Variants in LRMDA observed in about 807,000 individuals in gnomAD.
LRMDA encodes leucine-rich melanocyte differentiation-associated protein.
Under a neutral mutation model 29.8 loss-of-function variants are expected in LRMDA, and 18 were observed. The ratio of observed to expected loss-of-function variants is 0.60; its 90% CI spans 0.42 to 0.90. LRMDA has a LOEUF of 0.90. LRMDA is among the 40% of genes least tolerant of loss of function. LRMDA has a pLI of 0.00. For missense variants in LRMDA, 273 were observed against 273.9 expected, an observed-to-expected ratio of 1.00 and a Z score of 0.02; for synonymous variants, 125 against 109.4, an observed-to-expected ratio of 1.14 and a Z score of -0.89.
chr10:76,057,984 A>T (rs1333432736), intron 4 of LRMDA, among the ~76,000 whole-genome samples: 1 of 152,238 alleles, frequency 6.6e-6, no homozygotes, highest in Non-Finnish European at 1.5e-5. Flanking sequence ...TTATTTCTGG[A>T]GTCCATCTGC....
At chr10:76,433,869 G>A (rs906350769) in intron 6 of LRMDA, 1 of 152,168 alleles carries the variant, frequency 6.6e-6, no homozygotes, top group Admixed American at 6.5e-5. Context: ...TGACTTGGGC[G>A]ACAGCATAGG....
intron 2 of LRMDA, among the ~76,000 whole-genome samples, chr10:75,848,158 G>A (rs1293357519): frequency 1.3e-5 from 2 of 152,168 alleles, no homozygotes; most frequent in Non-Finnish European, 2.9e-5. Context: ...GGTAGAAGCA[G>A]CCCAAATGTC....
intron 5 of LRMDA, among the ~76,000 whole-genome samples, chr10:76,077,839 C>G (rs138715721): frequency 1.8e-3 from 278 of 151,912 alleles, no homozygotes; most frequent in African/African-American, 6.5e-3. Flanking sequence ...TTCAGGCCAT[C>G]TATGAAAATG....
chr10:75,776,180 A>T (rs1023802272), intron 2 of LRMDA, among the ~76,000 whole-genome samples: 3 of 152,228 alleles, frequency 2.0e-5, no homozygotes, highest in Non-Finnish European at 4.4e-5. Flanking sequence ...CTGAACACTG[A>T]GGAAAGCATT....
rs185591467 is a variant in LRMDA at position 76,466,293 on chromosome 10, T to C, written c.602-90916T>C. Reference sequence around the variant, plus strand: ...AGCTGGTACTGGCAAGTATGAGGGGTAGACAAACAGACAGATGCCGGGAGC... The same window carrying C: ...AGCTGGTACTGGCAAGTATGAGGGGCAGACAAACAGACAGATGCCGGGAGC... On this transcript the variant is annotated intron_variant, in intron 6 of 6. Transcript: ENST00000611255. Among the ~76,000 whole-genome samples, 24 of 151,694 alleles carry C rather than the reference T, an allele frequency of 1.6e-4. No homozygotes were observed. The East Asian group carries it at 4.5e-3, about 28-fold the overall frequency.
chr10:75,441,748 T>A (rs1844328958), intron 2 of LRMDA, among the ~76,000 whole-genome samples: 1 of 151,088 alleles, frequency 6.6e-6, no homozygotes, highest in Admixed American at 6.6e-5. Context: ...TTTTAGAATA[T>A]CTCTACAGGC....
chr10:76,083,845 A>AG (rs1849088835), intron 5 of LRMDA, among the ~76,000 whole-genome samples: 1 of 151,832 alleles, frequency 6.6e-6, no homozygotes, highest in African/African-American at 2.4e-5. Context: ...AAAAAAAAAA[A>AG]AAAAAGGGGC....
intron 5 of LRMDA, among the ~76,000 whole-genome samples, chr10:76,200,312 G>A (rs1471274852): frequency 2.0e-5 from 3 of 152,178 alleles, no homozygotes; most frequent in African/African-American, 7.2e-5. Context: ...ATGTATGCAT[G>A]TTTAATGGAG....
intron 5 of LRMDA, among the ~76,000 whole-genome samples, chr10:76,287,224 C>G (rs1840283372): frequency 6.6e-6 from 1 of 152,146 alleles, no homozygotes; most frequent in African/African-American, 2.4e-5. Flanking sequence ...CATCTGCCTG[C>G]CCCACTCTCA....
chr10:76,083,425 C>T (rs772167694), intron 5 of LRMDA, among the ~76,000 whole-genome samples: 2 of 152,208 alleles, frequency 1.3e-5, no homozygotes, highest in African/African-American at 2.4e-5. Flanking sequence ...TGTAACATGG[C>T]ATGCCCCCTC....
chr10:75,737,048 T>TGCAC (rs781083030), intron 2 of LRMDA, among the ~76,000 whole-genome samples: 7 of 151,456 alleles, frequency 4.6e-5, no homozygotes, highest in Admixed American at 2.6e-4. Context: ...TACACACACA[T>TGCAC]GCACGCACGC....
At chr10:75,835,293 T>C (rs1389956573) in intron 2 of LRMDA, among the ~76,000 whole-genome samples, 1 of 152,216 alleles carries the variant, frequency 6.6e-6, no homozygotes, top group Non-Finnish European at 1.5e-5. Flanking sequence ...CCTTCCTCCT[T>C]GTTCAAAGCA....
chr10:76,018,717 G>A (rs563597081), intron 2 of LRMDA, among the ~76,000 whole-genome samples: 5 of 94,270 alleles, frequency 5.3e-5, no homozygotes, highest in East Asian at 2.4e-4. Context: ...ACAGGTGTGC[G>A]CCACCATGTG....
chr10:76,203,044 C>T (rs746965366), intron 5 of LRMDA, among the ~76,000 whole-genome samples: 11 of 152,150 alleles, frequency 7.2e-5, no homozygotes, highest in Non-Finnish European at 7.3e-5. Flanking sequence ...GTTTACTTTT[C>T]TAAAAACTCA....
chr10:76,534,052 G>A (rs1238712772), intron 6 of LRMDA, among the ~76,000 whole-genome samples: 2 of 152,118 alleles, frequency 1.3e-5, no homozygotes, highest in African/African-American at 4.8e-5. Context: ...GATAGATCCT[G>A]TGCTTTGCCC....
intron 2 of LRMDA, among the ~76,000 whole-genome samples, chr10:75,528,494 G>A (rs1264191797): frequency 1.3e-5 from 2 of 152,188 alleles, no homozygotes; most frequent in Admixed American, 6.5e-5. Context: ...TACGACTGTG[G>A]TAGCCAAGCC....
chr10:75,714,249 T>C, intron 2 of LRMDA, among the ~76,000 whole-genome samples: 1 of 152,232 alleles, frequency 6.6e-6, no homozygotes. Context: ...TTTTCAGATA[T>C]GGCATAGATT....
At chr10:75,448,879 C>T (rs1844424509) in intron 2 of LRMDA, among the ~76,000 whole-genome samples, 1 of 152,200 alleles carries the variant, frequency 6.6e-6, no homozygotes, top group Non-Finnish European at 1.5e-5. Context: ...AGGCTGGGTA[C>T]AGTGGCTCAC....
At chr10:75,892,725 C>A (rs1845514234) in intron 2 of LRMDA, among the ~76,000 whole-genome samples, 1 of 152,162 alleles carries the variant, frequency 6.6e-6, no homozygotes, top group Non-Finnish European at 1.5e-5. Context: ...TGTGGTCAGG[C>A]CTCAGACAAA....
Sources: allele counts gnomAD v4.1 joint callset (sites outside exome capture counted in the v4.1 genomes callset), GRCh38; gene constraint gnomAD v4.1.1; transcripts MANE v1.5; gene names NCBI Gene and HGNC (gene_info 2026-07-23, HGNC 2026-07-21).